The following SHANK2 variants were observed in gnomAD, a reference collection of about 807,000 sequenced individuals.
SHANK2 encodes SH3 and multiple ankyrin repeat domains 2.
SHANK2 carries 43 observed loss-of-function variants against 133.7 expected under a neutral mutation model. The ratio of observed to expected loss-of-function variants is 0.32; its 90% CI spans 0.25 to 0.41. SHANK2 has a LOEUF of 0.41. SHANK2 is among the 10% of genes least tolerant of loss of function. SHANK2 has a pLI of 1.00. For synonymous variants in SHANK2, 1,017 were observed against 952.8 expected, an observed-to-expected ratio of 1.07 and a Z score of -1.24; for missense variants, 1,994 against 2,235.8, an observed-to-expected ratio of 0.89 and a Z score of 2.18.
intron 10 of SHANK2, among the ~76,000 whole-genome samples, chr11:70,951,877 G>A (rs750273808): frequency 5.9e-5 from 9 of 152,288 alleles, no homozygotes; most frequent in African/African-American, 1.2e-4. Flanking sequence ...TTCACGTGGC[G>A]TTCTAACCCT....
intron 14 of SHANK2, among the ~76,000 whole-genome samples, chr11:70,731,398 C>T (rs990450685): frequency 3.9e-5 from 6 of 152,212 alleles, no homozygotes; most frequent in Admixed American, 6.5e-5. Flanking sequence ...GGCTGACTGA[C>T]ATACTCCCCG....
chr11:70,777,974 G>A (rs1555044295), intron 14 of SHANK2, among the ~76,000 whole-genome samples: 3 of 152,158 alleles, frequency 2.0e-5, no homozygotes, highest in South Asian at 4.2e-4. Flanking sequence ...ATGTTTCCTG[G>A]GTATCTGCAG....
At chr11:70,764,101 C>CCATCCCT (rs1565300687) in intron 14 of SHANK2, among the ~76,000 whole-genome samples, 2 of 83,474 alleles carry the variant, frequency 2.4e-5, no homozygotes, top group Non-Finnish European at 4.5e-5. Flanking sequence ...CATCCATCCA[C>CCATCCCT]CCACCCACCC....
At chr11:70,948,178 G>C (rs1245829511) in intron 10 of SHANK2, 1 of 418,516 alleles carries the variant, frequency 2.4e-6, no homozygotes, top group Non-Finnish European at 4.9e-6. Flanking sequence ...CTCCCAGCGT[G>C]AAGGAAACTC....
intron 2 of SHANK2, among the ~76,000 whole-genome samples, chr11:71,164,705 GTTC>G (rs1590976756): frequency 6.6e-6 from 1 of 152,206 alleles, no homozygotes; most frequent in African/African-American, 2.4e-5. Flanking sequence ...GTGTATAGAT[GTTC>G]TTGTACACTA....
intron 15 of SHANK2, among the ~76,000 whole-genome samples, chr11:70,684,785 G>A (rs952814246): frequency 1.9e-4 from 29 of 151,950 alleles, no homozygotes; most frequent in Admixed American, 1.1e-3. Flanking sequence ...TCCAGTGAGC[G>A]TTGTTGGTCC....
At chr11:70,531,175 A>T (rs60829712) in intron 17 of SHANK2, among the ~76,000 whole-genome samples, 1 of 144,832 alleles carries the variant, frequency 6.9e-6, no homozygotes, top group African/African-American at 2.6e-5. Flanking sequence ...AAAAAAAAAA[A>T]AAAAAACAAA....
intron 15 of SHANK2, chr11:70,669,562 G>A (rs1555015537): frequency 6.6e-6 from 1 of 152,646 alleles, no homozygotes; most frequent in Non-Finnish European, 1.5e-5. Context: ...GAGGCAGCGG[G>A]GCTGTTTCCA....
intron 3 of SHANK2, among the ~76,000 whole-genome samples, chr11:71,130,931 G>T (rs555852007): frequency 2.0e-5 from 3 of 152,214 alleles, no homozygotes; most frequent in Non-Finnish European, 2.9e-5. Flanking sequence ...TTCTGAGCAC[G>T]TCATTCATTA....
At chr11:70,498,390 C>T (rs1216726602) in intron 21 of SHANK2, among the ~76,000 whole-genome samples, 2 of 152,198 alleles carry the variant, frequency 1.3e-5, no homozygotes, top group African/African-American at 2.4e-5. Context: ...TGTGCTTGGA[C>T]CCTGGTGGAC....
chr11:70,813,405 C>A (rs1195334563), intron 12 of SHANK2, among the ~76,000 whole-genome samples: 10 of 152,278 alleles, frequency 6.6e-5, no homozygotes, highest in African/African-American at 2.4e-4. Flanking sequence ...AGCCTCAAGG[C>A]TGGACCGGAG....
At chr11:71,058,284 C>T (rs1042300059) in intron 9 of SHANK2, among the ~76,000 whole-genome samples, 8 of 152,190 alleles carry the variant, frequency 5.3e-5, no homozygotes, top group African/African-American at 1.4e-4. Flanking sequence ...GAGAACTTCT[C>T]GCCAACCCCT....
Position 70,692,898 on chromosome 11 carries a change from A to G in SHANK2, c.1853+5790T>C, listed in dbSNP as rs190931395. Among the ~76,000 whole-genome samples, 326 of 152,332 alleles carry G rather than the reference A, an allele frequency of 2.1e-3. 6 individuals carry two copies. The highest frequency in any genetic ancestry group is 7.5e-3 in the African/African-American group (313 of 41,570). ...TTTTCTCTAAGGGAGAACAAAAAAC[A>G]GATGCTCAGCACCTTCTTAAACCTT... On this transcript the variant is annotated intron_variant, in intron 15 of 25. Transcript: ENST00000601538.
chr11:71,199,040 C>T (rs560678375), intron 2 of SHANK2, among the ~76,000 whole-genome samples: 5 of 152,298 alleles, frequency 3.3e-5, no homozygotes, highest in Admixed American at 6.5e-5. Context: ...TGATGTGGCC[C>T]GGAGCCCACA....
chr11:70,738,295 C>T (rs529701418), intron 14 of SHANK2, among the ~76,000 whole-genome samples: 31 of 152,366 alleles, frequency 2.0e-4, no homozygotes, highest in Admixed American at 9.1e-4. Flanking sequence ...AAGCCGGACT[C>T]CCATCAACAA....
chr11:70,546,415 A>G (rs1032247921), intron 17 of SHANK2, among the ~76,000 whole-genome samples: 3 of 152,112 alleles, frequency 2.0e-5, no homozygotes, highest in Non-Finnish European at 4.4e-5. Flanking sequence ...TCCCCTAAGT[A>G]TCATCTCATT....
chr11:70,481,359 A>G (rs550581180), intron 25 of SHANK2, among the ~76,000 whole-genome samples: 26 of 152,226 alleles, frequency 1.7e-4, no homozygotes, highest in Non-Finnish European at 2.8e-4. Context: ...CTAAAGTTAA[A>G]TCAAACATAC....
intron 14 of SHANK2, among the ~76,000 whole-genome samples, chr11:70,785,717 C>T (rs186125524): frequency 6.6e-6 from 1 of 152,328 alleles, no homozygotes; most frequent in East Asian, 1.9e-4. Flanking sequence ...CCTGCCACAC[C>T]TTCCAGGGGC....
intron 17 of SHANK2, among the ~76,000 whole-genome samples, chr11:70,583,054 G>A (rs544929436): frequency 9.8e-5 from 15 of 152,306 alleles, no homozygotes; most frequent in Admixed American, 2.6e-4. Flanking sequence ...CACATGGAGC[G>A]GGGGACAGAG....
Sources: gnomAD v4.1 joint callset for allele counts (sites outside exome capture counted in the v4.1 genomes callset) on GRCh38, gnomAD v4.1.1 for gene constraint, MANE v1.5 for transcripts, NCBI Gene and HGNC (gene_info 2026-07-23, HGNC 2026-07-21) for gene names.